The following S100Z variants were observed in gnomAD, a reference collection of about 807,000 sequenced individuals.
S100Z encodes the protein S100 calcium binding protein Z, also known as protein S100-Z.
S100Z carries 11 observed loss-of-function variants against 8.5 expected under a neutral mutation model. The observed-to-expected ratio is 1.30, with a 90% CI of 0.82 to 2.15. S100Z has a LOEUF of 2.15. S100Z is among the 30% of genes most tolerant of loss of function. The probability of loss-of-function intolerance (pLI) is 0.00; values close to 1 mark genes in which losing one functional copy is unlikely to be tolerated. For synonymous variants in S100Z, 34 were observed against 43.8 expected, an observed-to-expected ratio of 0.78 and a Z score of 0.89; for missense variants, 126 against 117.9, an observed-to-expected ratio of 1.07 and a Z score of -0.32.
chr5:76,938,549 C>A, the S100Z span, among the ~76,000 whole-genome samples: 2 of 152,128 alleles, frequency 1.3e-5, no homozygotes, highest in Admixed American at 6.5e-5. Context: ...CTTTCTGAGC[C>A]CCCACAGTGT....
intron 4 of S100Z, among the ~76,000 whole-genome samples, chr5:76,885,589 C>A (rs35884728): frequency 0.29 from 15,311 of 52,230 alleles, 3,852 homozygotes; most frequent in Non-Finnish European, 0.43. Context: ...TTGGGAGGTG[C>A]TTGTCCCCCA....
the S100Z span, among the ~76,000 whole-genome samples, chr5:76,944,231 G>A: frequency 4.5e-4 from 68 of 152,036 alleles, no homozygotes; most frequent in African/African-American, 1.6e-3. Flanking sequence ...CCACATCTTC[G>A]GATGCTGTCA....
At chr5:76,939,129 C>T in the S100Z span, among the ~76,000 whole-genome samples, 1 of 148,536 alleles carries the variant, frequency 6.7e-6, no homozygotes, top group African/African-American at 2.5e-5. Context: ...ATAAAATCAA[C>T]TATTAAGTTT....
At chr5:76,898,958 A>T in intron 4 of S100Z, among the ~76,000 whole-genome samples, 1 of 128,196 alleles carries the variant, frequency 7.8e-6, no homozygotes, top group African/African-American at 3.0e-5. Context: ...TTTTTGAGAC[A>T]GAATTTTGCT....
chr5:76,862,290 G>A (rs573379101), intron 1 of S100Z, among the ~76,000 whole-genome samples: 1 of 152,146 alleles, frequency 6.6e-6, no homozygotes. Flanking sequence ...AATAGCAGGG[G>A]CAGCCAGATC....
chr5:76,860,822 G>A (rs961828588), intron 1 of S100Z, among the ~76,000 whole-genome samples: 18 of 152,070 alleles, frequency 1.2e-4, no homozygotes, highest in Admixed American at 7.2e-4. Context: ...AGGAAACAGC[G>A]CCTTCTCCTG....
chr5:76,919,099 C>T (rs1744952539), intron 4 of S100Z, among the ~76,000 whole-genome samples: 1 of 152,154 alleles, frequency 6.6e-6, no homozygotes, highest in Non-Finnish European at 1.5e-5. Context: ...CACTGAAGAA[C>T]ATATTGCTTG....
chr5:76,866,116 G>T (rs1176908656), intron 1 of S100Z, among the ~76,000 whole-genome samples: 1 of 146,394 alleles, frequency 6.8e-6, no homozygotes, highest in African/African-American at 2.8e-5. Flanking sequence ...ACAGGGTGTT[G>T]CTCTGTCACC....
At chr5:76,907,992 G>A (rs1299910185) in intron 4 of S100Z, among the ~76,000 whole-genome samples, 3 of 152,080 alleles carry the variant, frequency 2.0e-5, no homozygotes, top group African/African-American at 4.8e-5. Context: ...TCAGTCAGAT[G>A]TGGTGGCACC....
intron 4 of S100Z, among the ~76,000 whole-genome samples, chr5:76,906,988 A>ATATATATATG (rs1744465395): frequency 8.2e-5 from 1 of 12,256 alleles, no homozygotes; most frequent in Non-Finnish European, 1.6e-4. Flanking sequence ...ATATATATAT[A>ATATATATATG]TATATATATA....
At chr5:76,927,519 C>T in the S100Z span, among the ~76,000 whole-genome samples, 88 of 152,328 alleles carry the variant, frequency 5.8e-4, no homozygotes, top group South Asian at 1.9e-3. Flanking sequence ...ATTAGGCTTC[C>T]ACCACTACTC....
At chr5:76,885,864 C>CCT in intron 4 of S100Z, among the ~76,000 whole-genome samples, 1 of 144,832 alleles carries the variant, frequency 6.9e-6, no homozygotes, top group African/African-American at 2.7e-5. Context: ...GGTGCTTGTT[C>CCT]CCCAGAAAAG....
At chr5:76,925,154 C>CTGGA (rs1745115881), downstream of S100Z, among the ~76,000 whole-genome samples, 1 of 119,934 alleles carries the variant, frequency 8.3e-6, no homozygotes, top group Non-Finnish European at 2.0e-5. Flanking sequence ...AGATGAGTGG[C>CTGGA]TAGATAGAGA....
At chr5:76,870,459 G>T (rs1340040113) in intron 2 of S100Z, among the ~76,000 whole-genome samples, 175 bp downstream of exon 2, 4 of 152,160 alleles carry the variant, frequency 2.6e-5, no homozygotes, top group Admixed American at 1.3e-4. Context: ...GAACCCCCAA[G>T]GCCTGTGTAG....
At chr5:76,911,749 A>C (rs1262608951) in intron 4 of S100Z, among the ~76,000 whole-genome samples, 1 of 152,234 alleles carries the variant, frequency 6.6e-6, no homozygotes, top group Non-Finnish European at 1.5e-5. Flanking sequence ...AGCTTTGCCT[A>C]TAGCAGGTCA....
the S100Z span, among the ~76,000 whole-genome samples, chr5:76,945,192 T>C: frequency 2.6e-5 from 4 of 152,196 alleles, no homozygotes; most frequent in Non-Finnish European, 4.4e-5. Context: ...ACAGGCAGTA[T>C]GTTTGGTAAA....
Position 76,870,205 on chromosome 5 carries a change from C to T in S100Z, c.-136C>T, listed in dbSNP as rs1742958508. The T allele has an allele frequency of 6.6e-6, 1 of 152,114 alleles. No individual in the cohort carries two copies. Among genetic ancestry groups the T allele is most frequent in the African/African-American group, 2.4e-5 (1 of 41,438 alleles). The allele number at this position is 152,114 out of a possible 1,614,324, so 9.4% of individuals were successfully genotyped here. A position where few individuals can be genotyped will look rare whatever the true frequency, so the allele number is the denominator to read the frequency against. ...CCCCTGACTCTGTGTAGACACCCAGCTCTCCAGAAAAATGCTTTGAAGACA... is the reference window on the plus strand; with the variant it reads ...CCCCTGACTCTGTGTAGACACCCAGTTCTCCAGAAAAATGCTTTGAAGACA... On this transcript the variant is annotated 5_prime_UTR_variant, in exon 2 of 5. Coordinates refer to ENST00000317593, the MANE Select transcript of S100Z (RefSeq NM_130772.4).
chr5:76,872,115 C>A lies in S100Z; in HGVS notation c.-57+1831C>A, dbSNP rs115218848. On this transcript the variant is annotated intron_variant, in intron 2 of 4. Transcript: ENST00000317593. Reference sequence around the variant, plus strand: ...AAAATTAACCAGGAATGGTGGTGTGCACCTGTGTGTGGTCTCAGCTATTCA... The same window carrying A: ...AAAATTAACCAGGAATGGTGGTGTGAACCTGTGTGTGGTCTCAGCTATTCA... Among the ~76,000 whole-genome samples the A allele has an allele frequency of 8.8e-3, 1,337 of 152,110 alleles. 13 individuals carry two copies. The highest frequency in any genetic ancestry group is 0.031 in the African/African-American group (1,288 of 41,502).
chr5:76,880,466 G>T (rs1375556829), intron 4 of S100Z, among the ~76,000 whole-genome samples: 2 of 152,196 alleles, frequency 1.3e-5, no homozygotes, highest in Non-Finnish European at 2.9e-5. Context: ...AGGATTAGGG[G>T]TGACGTGGGA....
Sources: allele counts gnomAD v4.1 joint callset (sites outside exome capture counted in the v4.1 genomes callset), GRCh38; gene constraint gnomAD v4.1.1; transcripts MANE v1.5; gene names NCBI Gene and HGNC (gene_info 2026-07-23, HGNC 2026-07-21).